The following PJVK variants were observed in gnomAD, a reference collection of about 807,000 sequenced individuals.
PJVK encodes autosomal recessive deafness type 59 protein.
In PJVK, 33 loss-of-function variants were observed where a neutral mutation model predicts 37.6. The observed-to-expected ratio is 0.88, with a 90% CI of 0.67 to 1.17. The LOEUF (loss-of-function observed/expected upper bound fraction) is 1.17, where lower values mean the gene tolerates loss of function less well. Among genes scored for constraint, PJVK ranks in the 50% most tolerant of loss-of-function variants. The pLI, the probability that PJVK is intolerant of heterozygous loss-of-function variation, is 0.00. For missense variants in PJVK, 410 were observed against 413.8 expected, an observed-to-expected ratio of 0.99 and a Z score of 0.08; for synonymous variants, 141 against 143.5, an observed-to-expected ratio of 0.98 and a Z score of 0.13.
chr2:178,451,913 G>A (rs909551134), intron 1 of PJVK, 144 bp downstream of exon 1: 1 of 909,040 alleles, frequency 1.1e-6, no homozygotes, highest in Non-Finnish European at 1.3e-6. Flanking sequence ...GGGCTTGCTA[G>A]GCACTAGCAG....
intron 4 of PJVK, among the ~76,000 whole-genome samples, chr2:178,456,411 C>T (rs1684090420): frequency 6.6e-6 from 1 of 151,642 alleles, no homozygotes; most frequent in African/African-American, 2.4e-5. Flanking sequence ...CCTCAAGTTA[C>T]TATTTAAGTG....
Position 178,461,433 on chromosome 2 carries a change from A to AT in PJVK, c.*161dup. ...CATATTCCCTATCTATAAAGTAGCA[A>AT]TTATAACAGTAGTGTCTATTTCTTA... On this transcript the variant is annotated 3_prime_UTR_variant, in exon 7 of 7. Coordinates refer to ENST00000644580, the MANE Select transcript of PJVK (RefSeq NM_001042702.5). 1.4e-6 allele frequency: 1 copy of AT among 709,458 alleles called. No homozygotes were observed. Among genetic ancestry groups the AT allele is most frequent in the Non-Finnish European group, 2.3e-6 (1 of 430,456 alleles). The allele number at this position is 709,458 out of a possible 1,614,324, so 43.9% of individuals were successfully genotyped here.
At chr2:178,455,807 C>T (rs888041802) in intron 3 of PJVK, among the ~76,000 whole-genome samples, 4 of 152,150 alleles carry the variant, frequency 2.6e-5, no homozygotes, top group Admixed American at 6.5e-5. Context: ...CAGAGTGAAA[C>T]ATTCTGCATA....
intron 1 of PJVK, 43 bp from the exon 2 acceptor site, chr2:178,453,345 C>T (rs1697827389): frequency 6.5e-7 from 1 of 1,529,500 alleles, no homozygotes; most frequent in Non-Finnish European, 9.0e-7. Context: ...TAATTTTGTG[C>T]CTGATTTTCC....
rs536141412 is a variant in PJVK at position 178,461,584 on chromosome 2, C to CTT, written c.*327_*328dup. On this transcript the variant is annotated 3_prime_UTR_variant, in exon 7 of 7. Coordinates refer to ENST00000644580, the MANE Select transcript of PJVK (RefSeq NM_001042702.5). ...GATGTAGTCTATCATTTTAGTTCAC[C>CTT]TTTTTTTTTTTTTTTTTTGAGACAG... is the stretch of plus-strand genomic sequence containing the variant. Among the ~76,000 whole-genome samples the CTT allele has an allele frequency of 3.7e-4, 46 of 122,786 alleles. 2 individuals carry two copies. Among genetic ancestry groups the CTT allele is most frequent in the African/African-American group, 7.4e-4 (23 of 30,998 alleles). The allele number at this position is 122,786 out of a possible 152,430, so 80.6% of individuals were successfully genotyped here.
intron 2 of PJVK, 141 bp from the exon 3 acceptor site, chr2:178,454,191 C>T (rs1697902288): frequency 1.6e-6 from 1 of 641,902 alleles, no homozygotes; most frequent in East Asian, 3.0e-5. Context: ...AATTGAATTA[C>T]TACTTTAAGT....
intron 2 of PJVK, chr2:178,454,054 T>G (rs1697894867): frequency 2.9e-6 from 1 of 350,002 alleles, no homozygotes; most frequent in Admixed American, 4.7e-5. Context: ...AGTTACTACT[T>G]ATAAACGCTT....
rs201772080 is a variant in PJVK at position 178,453,496 on chromosome 2, C to G, written c.87C>G (p.Asp29Glu). 1 of 1,613,990 alleles carries G rather than the reference C, an allele frequency of 6.2e-7. No homozygotes were observed. The change falls in exon 2 of 7, where the codon GAC becomes GAG. Residue 29 changes from aspartate to glutamate, a missense_variant. By Grantham distance (45) the Asp-to-Glu change is conservative (BLOSUM62 2). Coordinates refer to ENST00000644580, the MANE Select transcript of PJVK (RefSeq NM_001042702.5). ...CTGTTCCAAGCCTCAGTGAAGCTGA[C>G]AAATATCAACCTCTAAGTCTGGTGG... ...LVPVPSLSEA[D>E]KYQPLSLVVK...
chr2:178,456,312 GAAAA>G (rs80082011), intron 4 of PJVK, 161 bp downstream of exon 4: 1 of 587,852 alleles, frequency 1.7e-6, no homozygotes, highest in African/African-American at 2.0e-5. Flanking sequence ...TCTAGAATAT[GAAAA>G]AAAAAAACAA....
In PJVK at chr2:178,451,734, T is replaced by C. The variant is rs1242449389; in HGVS notation, c.-58T>C. 1 of 983,428 alleles carries C rather than the reference T, an allele frequency of 1.0e-6. No homozygotes were observed. The highest frequency in any genetic ancestry group is 1.2e-6 in the Non-Finnish European group (1 of 828,222). 60.9% of individuals were successfully genotyped at this position (983,428 alleles called of 1,614,324 possible). ...TCCTCTCCCGCCGGGCGGGCTCCTT[T>C]GTCTTCTGGGCTTTCGTCGCGAGAT... On this transcript the variant is annotated 5_prime_UTR_variant, in exon 1 of 7. Coordinates refer to ENST00000644580, the MANE Select transcript of PJVK (RefSeq NM_001042702.5).
At chr2:178,456,435 A>G (rs1293293349) in intron 4 of PJVK, among the ~76,000 whole-genome samples, 1 of 152,118 alleles carries the variant, frequency 6.6e-6, no homozygotes, top group Non-Finnish European at 1.5e-5. Context: ...TTTTAAGAAT[A>G]AAAATTGAGT....
chr2:178,460,439 T>C lies in PJVK; in HGVS notation c.759T>C (p.Phe253=). The C allele has an allele frequency of 6.2e-7, 1 of 1,613,786 alleles. No individual in the cohort carries two copies. Among genetic ancestry groups the C allele is most frequent in the Non-Finnish European group, 8.5e-7 (1 of 1,179,724 alleles). Residue 253 remains phenylalanine (F), a synonymous_variant, in exon 6 of 7, where the codon TTT becomes TTC. Coordinates refer to ENST00000644580, the MANE Select transcript of PJVK (RefSeq NM_001042702.5). ...TGTACAGGTTGAGAAATATCCTATT[T>C]GAAAGAAGTATGTTTATTGAAGAGT... ...ALLYRLRNIL[F]ERNRRVMDVI...
intron 3 of PJVK, chr2:178,455,195 A>G (rs756015688): frequency 1.1e-4 from 172 of 1,586,508 alleles, no homozygotes; most frequent in Non-Finnish European, 1.5e-4. Flanking sequence ...GGAGTGGTGG[A>G]GCCGCTTGGT....
In PJVK at chr2:178,453,475, T is replaced by A. The variant is rs1697836569; in HGVS notation, c.66T>A (p.Val22=). 1 of 1,614,030 alleles carries A rather than the reference T, an allele frequency of 6.2e-7. No individual in the cohort carries two copies. The highest frequency in any genetic ancestry group is 1.7e-5 in the Admixed American group (1 of 60,004). ...QVGDGGRLVP[V]PSLSEADKYQ... ...GAGATGGAGGGAGATTAGTTCCTGTTCCAAGCCTCAGTGAAGCTGACAAAT... is the reference window on the plus strand; with the variant it reads ...GAGATGGAGGGAGATTAGTTCCTGTACCAAGCCTCAGTGAAGCTGACAAAT... The change falls in exon 2 of 7, where the codon GTT becomes GTA. Residue 22 remains valine (V), a synonymous_variant. Coordinates refer to ENST00000644580, the MANE Select transcript of PJVK (RefSeq NM_001042702.5).
At chr2:178,456,769 A>AAAAAC (rs1229276780) in intron 4 of PJVK, among the ~76,000 whole-genome samples, 1 of 143,498 alleles carries the variant, frequency 7.0e-6, no homozygotes, top group African/African-American at 3.0e-5. Flanking sequence ...TCCGTCTCAA[A>AAAAAC]AAAACAAAAC....
rs1684516137 is a variant in PJVK, at chr2:178,461,634, GAGTACAGTGGCA to G, written c.*361_*372del. ...GAGCCTTGCTCCGTCACCCAGGCTGGAGTACAGTGGCATGATCTCAGCTCACTGCAACCTCTG... is the reference window on the plus strand; with the variant it reads ...GAGCCTTGCTCCGTCACCCAGGCTGGTGATCTCAGCTCACTGCAACCTCTG... On this transcript the variant is annotated 3_prime_UTR_variant, in exon 7 of 7. Transcript: ENST00000644580. 6.7e-6 allele frequency among the ~76,000 whole-genome samples: 1 copy of G among 148,266 alleles called. No individual in the cohort carries two copies. Among genetic ancestry groups the G allele is most frequent in the Admixed American group, 6.8e-5 (1 of 14,782 alleles).
chr2:178,454,951 G>T (rs115936331), intron 3 of PJVK: 2 of 910,976 alleles, frequency 2.2e-6, no homozygotes, highest in East Asian at 2.4e-5. Flanking sequence ...CCTGATTACC[G>T]CTGGACCAAG....
In PJVK at chr2:178,461,902, T is replaced by G. The variant is rs145845235; in HGVS notation, c.*628T>G. ...CTGGCCTAGATAACTTTTTATATAATTAAGAGATTTTTGTAAATACCAATT... is the reference window on the plus strand; with the variant it reads ...CTGGCCTAGATAACTTTTTATATAAGTAAGAGATTTTTGTAAATACCAATT... On this transcript the variant is annotated 3_prime_UTR_variant, in exon 7 of 7. Transcript: ENST00000644580. Among the ~76,000 whole-genome samples the G allele has an allele frequency of 1.4e-3, 219 of 152,266 alleles. No homozygotes were observed. Among genetic ancestry groups the G allele is most frequent in the African/African-American group, 5.1e-3 (213 of 41,564 alleles).
Sources: gnomAD v4.1 joint callset for allele counts (sites outside exome capture counted in the v4.1 genomes callset) on GRCh38, gnomAD v4.1.1 for gene constraint, MANE v1.5 for transcripts, NCBI Gene and HGNC (gene_info 2026-07-23, HGNC 2026-07-21) for gene names.